The following RBFOX1 variants were observed in gnomAD, a reference collection of about 807,000 sequenced individuals.
RBFOX1 encodes the protein RNA binding protein fox-1 homolog 1.
A neutral mutation model predicts 57.7 loss-of-function variants in RBFOX1; 8 were observed. The ratio of observed to expected loss-of-function variants is 0.14; its 90% CI spans 0.08 to 0.25. RBFOX1 has a LOEUF of 0.25. Ranked by LOEUF, RBFOX1 falls within the 10% of genes least tolerant of loss-of-function variation. The probability of loss-of-function intolerance (pLI) is 1.00; values close to 1 mark genes in which losing one functional copy is unlikely to be tolerated. For synonymous variants in RBFOX1, 326 were observed against 222.4 expected (o/e 1.47, Z -4.15); for missense variants, 611 against 548.5 (o/e 1.11, Z -1.14).
chr16:5,946,525 G>A lies in RBFOX1; in HGVS notation c.351+79190G>A, dbSNP rs772246661. Among the ~76,000 whole-genome samples the A allele has an allele frequency of 2.3e-4, 35 of 151,372 alleles. No individual in the cohort carries two copies. The highest frequency in any genetic ancestry group is 3.4e-3 in the Middle Eastern group (1 of 290). On this transcript the variant is annotated intron_variant, in intron 4 of 19. Coordinates refer to the RBFOX1 transcript ENST00000641259. This position sits in a 1 kb window ranked among gnomAD's most constrained non-coding sequence, Gnocchi z 4.6. ...CCTGGAGAGGACATGGAAGTTCTAC[G>A]CCCTTCCCCGTATCTCACTCTATGC...
chr16:5,359,886 G>A (rs1052900012), intron 1 of RBFOX1, among the ~76,000 whole-genome samples: 3 of 152,140 alleles, frequency 2.0e-5, no homozygotes, highest in Admixed American at 6.5e-5. Context: ...GCTGAAGTGC[G>A]TGATCTCTAT....
In RBFOX1 at chr16:6,336,082, C is replaced by G. The variant is rs530373290; in HGVS notation, c.-64+19025C>G. 3.6e-3 allele frequency among the ~76,000 whole-genome samples: 447 copies of G among 123,044 alleles called. 5 individuals carry two copies. Among genetic ancestry groups the G allele is most frequent in the African/African-American group, 0.011 (386 of 34,514 alleles). 80.7% of individuals were successfully genotyped at this position (123,044 alleles called of 152,430 possible). ...TGGTTTCCTCTTTTGGTAAATGGAA[C>G]AACAAATGGATACTTGCAAATAAGA... On this transcript the variant is annotated intron_variant, in intron 2 of 15. Transcript: ENST00000550418.
At chr16:5,543,544 A>G (rs1271537111) in intron 2 of RBFOX1, among the ~76,000 whole-genome samples, 1 of 152,218 alleles carries the variant, frequency 6.6e-6, no homozygotes, top group Non-Finnish European at 1.5e-5. Flanking sequence ...AATCTCTGGA[A>G]CAAGTTCAAG....
chr16:5,576,761 G>A (rs2046469490), intron 2 of RBFOX1, among the ~76,000 whole-genome samples: 1 of 152,220 alleles, frequency 6.6e-6, no homozygotes, highest in African/African-American at 2.4e-5. Flanking sequence ...ATGTCAGCAA[G>A]CTGCCTGTTC....
At chr16:5,253,526 A>G (rs902351091) in intron 1 of RBFOX1, among the ~76,000 whole-genome samples, 4 of 152,144 alleles carry the variant, frequency 2.6e-5, no homozygotes, top group African/African-American at 9.7e-5. Flanking sequence ...ACTGAGCCTG[A>G]GGGTGTATAT....
chr16:7,650,563 TCC>T (rs1209393446), intron 11 of RBFOX1, among the ~76,000 whole-genome samples: 11 of 149,112 alleles, frequency 7.4e-5, no homozygotes. Flanking sequence ...CAGCACGTGC[TCC>T]CCTCTCTCTC....
intron 1 of RBFOX1, among the ~76,000 whole-genome samples, chr16:6,292,085 A>G (rs1458931483): frequency 1.3e-5 from 2 of 152,100 alleles, no homozygotes; most frequent in Non-Finnish European, 2.9e-5. Context: ...TTTAAACAAG[A>G]GAAGGTGTAA....
intron 4 of RBFOX1, among the ~76,000 whole-genome samples, chr16:5,874,044 A>G (rs1014384533): frequency 5.9e-5 from 9 of 152,250 alleles, no homozygotes; most frequent in Admixed American, 4.6e-4. Flanking sequence ...CATGGAAATC[A>G]AAGAGTAAGA....
intron 4 of RBFOX1, among the ~76,000 whole-genome samples, chr16:7,098,536 T>G (rs7195118): frequency 0.88 from 133,513 of 152,282 alleles, 58,937 homozygotes; most frequent in East Asian, 1. Flanking sequence ...TTTACTTTAT[T>G]GAAATGTAAC....
chr16:6,788,775 C>G (rs983186427), intron 3 of RBFOX1, among the ~76,000 whole-genome samples: 3 of 151,962 alleles, frequency 2.0e-5, no homozygotes, highest in Admixed American at 6.6e-5. Context: ...GTGCCCGGCC[C>G]CCCACTGATT....
intron 3 of RBFOX1, among the ~76,000 whole-genome samples, chr16:5,774,052 T>A (rs2151685233): frequency 6.6e-6 from 1 of 152,342 alleles, no homozygotes; most frequent in South Asian, 2.1e-4. Context: ...CATAGTCATT[T>A]ACATTCCCAC....
chr16:5,746,995 A>G (rs995305300), intron 3 of RBFOX1, among the ~76,000 whole-genome samples: 1 of 152,166 alleles, frequency 6.6e-6, no homozygotes, highest in Non-Finnish European at 1.5e-5. Context: ...GAGTGGTGAG[A>G]GAGGGCATCC....
intron 2 of RBFOX1, among the ~76,000 whole-genome samples, chr16:6,636,399 T>C (rs2098434248): frequency 6.6e-6 from 1 of 152,104 alleles, no homozygotes; most frequent in Non-Finnish European, 1.5e-5. Flanking sequence ...CTCGATCTCC[T>C]GACTTCGTGA....
chr16:7,661,514 T>C (rs2067719345), intron 12 of RBFOX1, among the ~76,000 whole-genome samples: 1 of 152,180 alleles, frequency 6.6e-6, no homozygotes, highest in Non-Finnish European at 1.5e-5. Flanking sequence ...TTAGCCTCTC[T>C]CGTCTCTGCT....
intron 4 of RBFOX1, among the ~76,000 whole-genome samples, chr16:7,087,168 C>T (rs374572885): frequency 5.3e-5 from 8 of 152,102 alleles, no homozygotes; most frequent in African/African-American, 1.9e-4. Flanking sequence ...AAGGGGAAGC[C>T]GGGTTGCTGC....
At chr16:5,624,953 C>G (rs569879745) in intron 3 of RBFOX1, among the ~76,000 whole-genome samples, 8 of 152,122 alleles carry the variant, frequency 5.3e-5, no homozygotes, top group Non-Finnish European at 1.0e-4. Flanking sequence ...TGTAGGGACC[C>G]CACCCGGATT....
chr16:6,399,640 AC>A (rs1286682298), intron 2 of RBFOX1, among the ~76,000 whole-genome samples: 2 of 152,200 alleles, frequency 1.3e-5, no homozygotes, highest in African/African-American at 4.8e-5. Context: ...TCTGCCTGTT[AC>A]CCAGTTCCAA....
chr16:6,480,724 A>T (rs2095359281), intron 2 of RBFOX1, among the ~76,000 whole-genome samples: 1 of 152,228 alleles, frequency 6.6e-6, no homozygotes, highest in Non-Finnish European at 1.5e-5. Context: ...TGTAGAAGTC[A>T]TTTAAAACTT....
intron 2 of RBFOX1, among the ~76,000 whole-genome samples, chr16:6,446,573 C>A (rs924450830): frequency 6.6e-6 from 1 of 152,202 alleles, no homozygotes; most frequent in East Asian, 1.9e-4. Flanking sequence ...CCCTAGGGGG[C>A]AGTGCTGGCT....
Sources: gnomAD v4.1 joint callset for allele counts (sites outside exome capture counted in the v4.1 genomes callset) on GRCh38, gnomAD v4.1.1 for gene constraint, Gnocchi (gnomAD v3.1) non-coding constraint, MANE v1.5 for transcripts, NCBI Gene and HGNC (gene_info 2026-07-23, HGNC 2026-07-21) for gene names.